PHLDB2: variants seen among roughly 807,000 people sequenced by gnomAD.
The protein encoded by PHLDB2 is pleckstrin homology like domain family B member 2.
In PHLDB2, 71 loss-of-function variants were observed where a neutral mutation model predicts 123.6. The ratio of observed to expected loss-of-function variants is 0.57; its 90% confidence interval spans 0.47 to 0.70. PHLDB2 has a LOEUF of 0.70. Among genes scored for constraint, PHLDB2 ranks in the 30% least tolerant of loss-of-function variants. The probability of loss-of-function intolerance (pLI) is 0.00; values close to 1 mark genes in which losing one functional copy is unlikely to be tolerated. For synonymous variants in PHLDB2, 547 were observed against 541.6 expected (o/e 1.01, Z -0.14); for missense variants, 1,446 against 1,519.5 (o/e 0.95, Z 0.80).
chr3:111,917,452 G>A (rs913537279), intron 3 of PHLDB2: 1 of 152,180 alleles, frequency 6.6e-6, no homozygotes, highest in Non-Finnish European at 1.5e-5. Context: ...TGACCCAACA[G>A]GATACCGCCC....
intron 1 of PHLDB2, among the ~76,000 whole-genome samples, chr3:111,860,172 G>C (rs1320085139): frequency 1.3e-5 from 2 of 152,180 alleles, no homozygotes; most frequent in African/African-American, 4.8e-5. Flanking sequence ...AGAGGGATGG[G>C]GATCCTTGGG....
At chr3:111,966,529 T>TGTGTGTGTGTCTGGG in intron 13 of PHLDB2, 84 bp from the exon 14 acceptor site, 1 of 182,480 alleles carries the variant, frequency 5.5e-6, no homozygotes, top group Non-Finnish European at 9.8e-6. Flanking sequence ...GTGTCTGGGG[T>TGTGTGTGTGTCTGGG]GTGTGTGTGT....
chr3:111,732,508 T>G lies in PHLDB2; in HGVS notation c.-244T>G, dbSNP rs1941533163. On this transcript the variant is annotated 5_prime_UTR_variant, in exon 1 of 18. Transcript: ENST00000393923. The stretch of plus-strand genomic sequence containing the variant: ...CAAGTTGCTGCCTGTGACCACAGTC[T>G]GCAGAGGCCAGAGAGAGCAGGAAAG... 4.1e-6 allele frequency: 4 copies of G among 981,894 alleles called. No individual in the cohort carries two copies. The South Asian group carries it at 5.6e-5, about 14-fold the overall frequency. 60.8% of individuals were successfully genotyped at this position (981,894 alleles called of 1,614,324 possible).
chr3:111,875,621 G>C (rs147843017), intron 1 of PHLDB2, among the ~76,000 whole-genome samples: 1,687 of 151,438 alleles, frequency 0.011, 40 homozygotes, highest in African/African-American at 0.038. Context: ...TCAGGAGTTA[G>C]AGACCAGCTT....
At chr3:111,941,187 C>A (rs879402591) in intron 8 of PHLDB2, among the ~76,000 whole-genome samples, 7 of 152,170 alleles carry the variant, frequency 4.6e-5, no homozygotes, top group Admixed American at 1.3e-4. Flanking sequence ...GAGACTATGT[C>A]CTCTTCTGGT....
At chr3:111,893,719 C>T (rs1203329880) in intron 2 of PHLDB2, among the ~76,000 whole-genome samples, 1 of 147,390 alleles carries the variant, frequency 6.8e-6, no homozygotes, top group Non-Finnish European at 1.5e-5. Context: ...ATGATGTGAG[C>T]CATGAATGTC....
intron 1 of PHLDB2, among the ~76,000 whole-genome samples, chr3:111,814,589 T>A (rs74711609): frequency 0.064 from 9,715 of 151,478 alleles, 427 homozygotes; most frequent in South Asian, 0.16. Context: ...ATGGTTCATG[T>A]AGTGTTATTA....
chr3:111,795,741 T>C (rs2061127547), intron 1 of PHLDB2, among the ~76,000 whole-genome samples: 1 of 152,112 alleles, frequency 6.6e-6, no homozygotes. Flanking sequence ...GTTTTTGTTT[T>C]TGAGACGGAG....
chr3:111,834,140 G>A (rs1220590131), intron 1 of PHLDB2, among the ~76,000 whole-genome samples: 3 of 64,976 alleles, frequency 4.6e-5, no homozygotes, highest in Non-Finnish European at 6.3e-5. Flanking sequence ...TATATTATAT[G>A]TAATAGAATT....
At chr3:111,967,880 A>G in intron 15 of PHLDB2, 56 bp downstream of exon 15, 1 of 1,467,144 alleles carries the variant, frequency 6.8e-7, no homozygotes, top group Non-Finnish European at 9.1e-7. Flanking sequence ...GGCAGTTCCT[A>G]GAAGACAGCT....
chr3:111,902,206 A>T (rs1000088172), intron 2 of PHLDB2, among the ~76,000 whole-genome samples: 1 of 152,220 alleles, frequency 6.6e-6, no homozygotes, highest in South Asian at 2.1e-4. Context: ...GCTGAGGTGG[A>T]AAAAACAAGT....
At chr3:111,878,979 T>C (rs192134687) in intron 1 of PHLDB2, among the ~76,000 whole-genome samples, 44 of 152,346 alleles carry the variant, frequency 2.9e-4, no homozygotes, top group African/African-American at 9.4e-4. Context: ...GATTTTTGCA[T>C]TGATGTTCAT....
At chr3:111,921,273 G>C (rs912319345) in intron 5 of PHLDB2, among the ~76,000 whole-genome samples, 2 of 152,090 alleles carry the variant, frequency 1.3e-5, no homozygotes, top group African/African-American at 4.8e-5. Context: ...ATTTGAGAAA[G>C]AAAAAGCAAA....
chr3:111,801,359 A>C (rs4532105), intron 1 of PHLDB2, among the ~76,000 whole-genome samples: 1 of 152,184 alleles, frequency 6.6e-6, no homozygotes, highest in African/African-American at 2.4e-5. Flanking sequence ...TAGACACAGA[A>C]ACTAAACAAG....
At chr3:111,768,392 AAACAGCAGACTACT>A (rs1488825084) in intron 1 of PHLDB2, among the ~76,000 whole-genome samples, 8 of 152,210 alleles carry the variant, frequency 5.3e-5, no homozygotes, top group Non-Finnish European at 1.0e-4. Flanking sequence ...TATTCTCTGT[AAACAGCAGACTACT>A]ATTATGATGG....
intron 2 of PHLDB2, among the ~76,000 whole-genome samples, chr3:111,847,125 A>AT (rs368837294): frequency 1.2e-4 from 18 of 151,346 alleles, no homozygotes; most frequent in African/African-American, 3.2e-4. Flanking sequence ...ACCAAATGAC[A>AT]TTTTTTTTTG....
intron 1 of PHLDB2, among the ~76,000 whole-genome samples, chr3:111,876,566 G>T (rs572359301): frequency 1.3e-5 from 2 of 152,186 alleles, no homozygotes; most frequent in East Asian, 3.9e-4. Context: ...GAGAGAAAAT[G>T]TATTTACTTT....
At chr3:111,793,542 C>T (rs2061021146) in intron 1 of PHLDB2, among the ~76,000 whole-genome samples, 2 of 151,974 alleles carry the variant, frequency 1.3e-5, no homozygotes. Flanking sequence ...CAAGACAAAG[C>T]TCCCTTTACA....
intron 1 of PHLDB2, among the ~76,000 whole-genome samples, chr3:111,794,286 C>T (rs1258090217): frequency 6.6e-6 from 1 of 152,084 alleles, no homozygotes; most frequent in African/African-American, 2.4e-5. Context: ...CACTGAGTTC[C>T]AATGCAAAGT....
Sources: gnomAD v4.1 joint callset for allele counts (sites outside exome capture counted in the v4.1 genomes callset) on GRCh38, gnomAD v4.1.1 for gene constraint, MANE v1.5 for transcripts, NCBI Gene and HGNC (gene_info 2026-07-23, HGNC 2026-07-21) for gene names.